MAP3K5: variants seen among roughly 807,000 people sequenced by gnomAD.
MAP3K5 encodes mitogen-activated protein kinase kinase kinase 5.
Under a neutral mutation model 158.7 loss-of-function variants are expected in MAP3K5, and 56 were observed. The observed-to-expected ratio is 0.35, with a 90% confidence interval of 0.28 to 0.44. The LOEUF is 0.44. MAP3K5 is among the 20% of genes least tolerant of loss of function. The probability of loss-of-function intolerance (pLI) is 1.00; values close to 1 mark genes in which losing one functional copy is unlikely to be tolerated. For synonymous variants in MAP3K5, 579 were observed against 601.7 expected (o/e 0.96, Z 0.55); for missense variants, 1,294 against 1,674.8 (o/e 0.77, Z 3.97).
chr6:136,720,011 A>G (rs1781683681), intron 2 of MAP3K5, among the ~76,000 whole-genome samples: 1 of 152,126 alleles, frequency 6.6e-6, no homozygotes, highest in East Asian at 1.9e-4. Context: ...TTTAAATCAT[A>G]CCCTAGTGAA....
At chr6:136,692,079 C>CT (rs1377247005) in intron 7 of MAP3K5, among the ~76,000 whole-genome samples, 3 of 148,746 alleles carry the variant, frequency 2.0e-5, no homozygotes, top group East Asian at 2.0e-4. Context: ...TTCTTTTTTT[C>CT]TTTTTTTTAA....
chr6:136,576,568 A>C (rs1392410566), intron 25 of MAP3K5, among the ~76,000 whole-genome samples: 1 of 152,154 alleles, frequency 6.6e-6, no homozygotes, highest in East Asian at 1.9e-4. Flanking sequence ...TGGCCTCACG[A>C]AGCCTTAGGA....
chr6:136,712,706 T>C (rs1299338408), intron 2 of MAP3K5, among the ~76,000 whole-genome samples: 1 of 152,204 alleles, frequency 6.6e-6, no homozygotes, highest in Non-Finnish European at 1.5e-5. Flanking sequence ...TCAACTCGAA[T>C]TGTAGCTCCC....
chr6:136,601,232 G>A (rs1257398707), intron 20 of MAP3K5, among the ~76,000 whole-genome samples, 190 bp from the exon 21 acceptor site: 2 of 151,764 alleles, frequency 1.3e-5, no homozygotes, highest in Non-Finnish European at 2.9e-5. Flanking sequence ...TTTTTTCTGA[G>A]TTATAGACAA....
At chr6:136,639,698 T>C (rs1366957968) in intron 12 of MAP3K5, 60 bp from the exon 13 acceptor site, 2 of 783,714 alleles carry the variant, frequency 2.6e-6, no homozygotes, top group Non-Finnish European at 4.2e-6. Flanking sequence ...TACAGTCCTA[T>C]GATGAAAAAG....
At position 136,711,474 on chromosome 6, in the gene MAP3K5, G is replaced by T. The variant is rs139738731; in HGVS notation, c.589-6341C>A. On this transcript the variant is annotated intron_variant, in intron 2 of 29. Coordinates refer to ENST00000359015, the MANE Select transcript of MAP3K5 (RefSeq NM_005923.4). ...GAGCCCAGGAGTTTGAGACCAGCCT[G>T]GGAAACACGGCAAAACCCCATCTCT... 5.9e-3 allele frequency among the ~76,000 whole-genome samples: 900 copies of T among 152,118 alleles called. 5 individuals carry two copies. Among genetic ancestry groups the T allele is most frequent in the African/African-American group, 0.02 (847 of 41,480 alleles).
intron 1 of MAP3K5, among the ~76,000 whole-genome samples, chr6:136,746,328 T>G (rs904007707): frequency 6.6e-6 from 1 of 152,014 alleles, no homozygotes; most frequent in Non-Finnish European, 1.5e-5. Flanking sequence ...TGTCTGTAGG[T>G]CTGTGAAAAA....
chr6:136,629,676 A>G (rs550460871), intron 14 of MAP3K5, among the ~76,000 whole-genome samples: 42 of 152,178 alleles, frequency 2.8e-4, no homozygotes, highest in Middle Eastern at 3.4e-3. Flanking sequence ...GGATGGTCTC[A>G]ATCTCCTGAC....
chr6:136,775,567 T>C (rs1044155795), intron 1 of MAP3K5, among the ~76,000 whole-genome samples: 21 of 152,130 alleles, frequency 1.4e-4, no homozygotes, highest in Non-Finnish European at 5.9e-5. Flanking sequence ...TTGGGTAACA[T>C]GCACCTAACT....
chr6:136,768,712 G>A (rs537017670), intron 1 of MAP3K5, among the ~76,000 whole-genome samples: 1 of 151,954 alleles, frequency 6.6e-6, no homozygotes, highest in Non-Finnish European at 1.5e-5. Context: ...TCAGGGGTTC[G>A]AGACCAGCTT....
At chr6:136,657,195 T>C (rs1778791373) in intron 9 of MAP3K5, among the ~76,000 whole-genome samples, 1 of 152,226 alleles carries the variant, frequency 6.6e-6, no homozygotes, top group Non-Finnish European at 1.5e-5. Flanking sequence ...TCAGCTTATA[T>C]ATTATACAAA....
At chr6:136,746,308 A>C (rs990152369) in intron 1 of MAP3K5, among the ~76,000 whole-genome samples, 4 of 152,178 alleles carry the variant, frequency 2.6e-5, no homozygotes, top group Admixed American at 2.6e-4. Context: ...GGAAAATACA[A>C]ATACGTTCAT....
intron 14 of MAP3K5, among the ~76,000 whole-genome samples, chr6:136,623,704 C>T (rs7747787): frequency 0.026 from 3,970 of 152,264 alleles, 161 homozygotes; most frequent in East Asian, 0.15. Flanking sequence ...ATCCTTTGTG[C>T]TGGACTGGAA....
At chr6:136,575,861 T>G (rs543214900) in intron 25 of MAP3K5, among the ~76,000 whole-genome samples, 1 of 152,330 alleles carries the variant, frequency 6.6e-6, no homozygotes, top group East Asian at 1.9e-4. Flanking sequence ...TCCTTCACTG[T>G]AAAATTACTG....
intron 7 of MAP3K5, among the ~76,000 whole-genome samples, chr6:136,685,522 T>C (rs1016802522): frequency 9.2e-5 from 14 of 152,102 alleles, no homozygotes; most frequent in African/African-American, 2.9e-4. Flanking sequence ...GAACATTTAT[T>C]AATATTATTA....
intron 7 of MAP3K5, among the ~76,000 whole-genome samples, chr6:136,676,291 G>A (rs1188256525): frequency 1.3e-5 from 2 of 152,090 alleles, no homozygotes; most frequent in African/African-American, 4.8e-5. Context: ...CAAGAACCAG[G>A]CTGAGATAAC....
rs372865518 is a variant in MAP3K5, at chr6:136,675,100, AG to A, written c.1254-5706del. On this transcript the variant is annotated intron_variant, in intron 7 of 29. Coordinates refer to ENST00000359015, the MANE Select transcript of MAP3K5 (RefSeq NM_005923.4). ...GATAAAAATTATTATAAGAGAAAAA[AG>A]GAACGTTTCATAATGATAAAGAGGT... Among the ~76,000 whole-genome samples, 83 of 152,088 alleles carry A rather than the reference AG, an allele frequency of 5.5e-4. 1 individual carries two copies. The South Asian group carries it at 0.017, about 32-fold the overall frequency.
At chr6:136,631,082 G>A (rs1005629531) in intron 14 of MAP3K5, among the ~76,000 whole-genome samples, 1 of 152,210 alleles carries the variant, frequency 6.6e-6, no homozygotes, top group Non-Finnish European at 1.5e-5. Flanking sequence ...CTGGGGGACA[G>A]AGGGAGATTC....
At chr6:136,724,373 C>G (rs2114796369) in intron 1 of MAP3K5, among the ~76,000 whole-genome samples, 1 of 151,904 alleles carries the variant, frequency 6.6e-6, no homozygotes, top group East Asian at 1.9e-4. Flanking sequence ...CTCAGCCTCC[C>G]AAGTAGCTGG....
Sources: gnomAD v4.1 joint callset for allele counts (sites outside exome capture counted in the v4.1 genomes callset) on GRCh38, gnomAD v4.1.1 for gene constraint, MANE v1.5 for transcripts, NCBI Gene and HGNC (gene_info 2026-07-23, HGNC 2026-07-21) for gene names.